CSMD1: variants seen among roughly 807,000 people sequenced by gnomAD.
CSMD1 encodes CUB and sushi domain-containing protein 1.
Under a neutral mutation model 417.5 loss-of-function variants are expected in CSMD1, and 213 were observed. That is an observed-to-expected ratio of 0.51 (90% CI 0.46 to 0.57). The LOEUF (loss-of-function observed/expected upper bound fraction) is 0.57, where lower values mean the gene tolerates loss of function less well. CSMD1 is among the 20% of genes least tolerant of loss of function. The probability of loss-of-function intolerance (pLI) is 0.00; values close to 1 mark genes in which losing one functional copy is unlikely to be tolerated. For missense variants in CSMD1, 6,923 were observed against 4,529.7 expected, an observed-to-expected ratio of 1.53 and a Z score of -15.17; for synonymous variants, 2,862 against 1,736.8, an observed-to-expected ratio of 1.65 and a Z score of -16.11.
intron 5 of CSMD1, among the ~76,000 whole-genome samples, chr8:3,834,588 A>C (rs1234436959): frequency 6.6e-6 from 1 of 152,176 alleles, no homozygotes; most frequent in Non-Finnish European, 1.5e-5. Context: ...CAAATATATA[A>C]ATGTAACAAA....
chr8:4,092,491 G>A (rs992078263), intron 3 of CSMD1, among the ~76,000 whole-genome samples: 1 of 151,282 alleles, frequency 6.6e-6, no homozygotes, highest in African/African-American at 2.5e-5. Flanking sequence ...TAAGCATATT[G>A]TCTTTAAGTT....
At chr8:4,956,715 C>T (rs535432018) in intron 1 of CSMD1, among the ~76,000 whole-genome samples, 1 of 151,894 alleles carries the variant, frequency 6.6e-6, no homozygotes, top group Non-Finnish European at 1.5e-5. Context: ...CTTAATGTTC[C>T]AACAAAGACT....
chr8:4,486,938 G>A (rs180970806), intron 2 of CSMD1, among the ~76,000 whole-genome samples: 1 of 152,098 alleles, frequency 6.6e-6, no homozygotes, highest in African/African-American at 2.4e-5. Flanking sequence ...AAGCAGGCAG[G>A]GTCCTAAATG....
intron 7 of CSMD1, among the ~76,000 whole-genome samples, chr8:3,680,546 T>C (rs1393878071): frequency 6.6e-6 from 1 of 152,130 alleles, no homozygotes. Context: ...TAATAATTAA[T>C]AGCTTACCAA....
At chr8:3,106,393 A>G (rs967107202) in intron 46 of CSMD1, 135 bp downstream of exon 46, 2 of 575,044 alleles carry the variant, frequency 3.5e-6, no homozygotes, top group South Asian at 2.9e-5. Context: ...GTAAGACCCT[A>G]TCTCCAAGAT....
chr8:3,294,205 A>C (rs1458043513), intron 25 of CSMD1, among the ~76,000 whole-genome samples: 1 of 149,084 alleles, frequency 6.7e-6, no homozygotes, highest in East Asian at 2.0e-4. Context: ...TCAGAGTACC[A>C]GGCCGTGTGA....
At position 3,259,827 on chromosome 8, in the gene CSMD1, T is replaced by G. The variant is rs560762854; in HGVS notation, c.4153+24317A>C. Among the ~76,000 whole-genome samples the G allele has an allele frequency of 4.7e-5, 7 of 150,388 alleles. No homozygotes were observed. The South Asian group carries it at 1.5e-3, about 32-fold the overall frequency. ...AGTATTGTAGCTTGAAAGCTAAGAA[T>G]GGTTTTACATTTTTTAAATGGTTAA... On this transcript the variant is annotated intron_variant, in intron 26 of 69. Coordinates refer to ENST00000635120, the MANE Select transcript of CSMD1 (RefSeq NM_033225.6).
chr8:3,712,144 T>C (rs1169404990), intron 6 of CSMD1, among the ~76,000 whole-genome samples: 1 of 110,070 alleles, frequency 9.1e-6, no homozygotes, highest in African/African-American at 3.2e-5. Context: ...TCCTGAGTTG[T>C]AATTTGTTTC....
chr8:4,076,126 C>A (rs1315562959), intron 3 of CSMD1, among the ~76,000 whole-genome samples: 1 of 152,060 alleles, frequency 6.6e-6, no homozygotes, highest in African/African-American at 2.4e-5. Context: ...GGGAGGGACC[C>A]TGTAGGAGGT....
Position 3,096,877 on chromosome 8 carries a change from C to T in CSMD1, c.7110G>A (p.Lys2370=), listed in dbSNP as rs182113189. ...TIFVDTFQSE[K]QFDALEVFDG... is the part of the protein sequence containing the mutation. ...CAAACACTTCCAGTGCATCAAACTG[C>T]TTTTCACTTTGAAATGTGTCCACAA... is the stretch of plus-strand genomic sequence containing the variant. The change falls in exon 47 of 70, where the codon AAG becomes AAA. Residue 2370 remains lysine (K), a synonymous_variant. Coordinates refer to ENST00000635120, the MANE Select transcript of CSMD1 (RefSeq NM_033225.6). 32 of 1,556,276 alleles carry T rather than the reference C, an allele frequency of 2.1e-5. No homozygotes were observed. In the Admixed American group the frequency reaches 5.2e-4, roughly 25 times the overall value.
chr8:4,280,627 C>G (rs768654663), intron 3 of CSMD1, among the ~76,000 whole-genome samples: 6 of 152,150 alleles, frequency 3.9e-5, no homozygotes, highest in African/African-American at 1.4e-4. Flanking sequence ...TTGATAATAA[C>G]TTTGTAAATA....
chr8:3,069,053 A>G (rs1363021343), intron 49 of CSMD1, among the ~76,000 whole-genome samples: 1 of 152,240 alleles, frequency 6.6e-6, no homozygotes, highest in East Asian at 1.9e-4. Flanking sequence ...AACTTGGAAA[A>G]TCAAAAATAA....
At chr8:2,955,369 T>A (rs1240345338) in intron 64 of CSMD1, among the ~76,000 whole-genome samples, 1 of 152,216 alleles carries the variant, frequency 6.6e-6, no homozygotes, top group African/African-American at 2.4e-5. Context: ...TGCATACTAA[T>A]TGTACTATAT....
intron 11 of CSMD1, among the ~76,000 whole-genome samples, chr8:3,476,568 A>T (rs779038885): frequency 6.6e-6 from 1 of 152,138 alleles, no homozygotes; most frequent in Non-Finnish European, 1.5e-5. Flanking sequence ...CTCAAAGGTT[A>T]CACAGAACAT....
chr8:3,860,434 AC>A (rs1176020747), intron 5 of CSMD1, among the ~76,000 whole-genome samples: 1 of 152,258 alleles, frequency 6.6e-6, no homozygotes, highest in Non-Finnish European at 1.5e-5. Context: ...AAACAATAAA[AC>A]TTTTTTTTCC....
intron 29 of CSMD1, among the ~76,000 whole-genome samples, chr8:3,217,427 G>A (rs1797943797): frequency 6.6e-6 from 1 of 152,176 alleles, no homozygotes; most frequent in South Asian, 2.1e-4. Context: ...TTATTCATGT[G>A]CCTTAGGATG....
At chr8:4,736,134 G>A (rs530252478) in intron 1 of CSMD1, among the ~76,000 whole-genome samples, 1 of 151,952 alleles carries the variant, frequency 6.6e-6, no homozygotes, top group Non-Finnish European at 1.5e-5. Context: ...TTCTTCTACT[G>A]GATTAACTCA....
intron 9 of CSMD1, 32 bp from the exon 10 acceptor site, chr8:3,575,098 A>G (rs1192203616): frequency 3.1e-6 from 5 of 1,608,420 alleles, no homozygotes; most frequent in Non-Finnish European, 4.2e-6. Flanking sequence ...GTTATTTTCT[A>G]CAACATTGTG....
chr8:3,058,060 A>C (rs564481243), intron 49 of CSMD1, among the ~76,000 whole-genome samples: 8 of 152,256 alleles, frequency 5.3e-5, no homozygotes, highest in South Asian at 4.1e-4. Flanking sequence ...TTCTACCCCA[A>C]ATATTCTTCT....
Sources: allele counts gnomAD v4.1 joint callset (sites outside exome capture counted in the v4.1 genomes callset), GRCh38; gene constraint gnomAD v4.1.1; transcripts MANE v1.5; gene names NCBI Gene and HGNC (gene_info 2026-07-23, HGNC 2026-07-21).